EPG5: variants seen among roughly 807,000 people sequenced by gnomAD.
The protein encoded by EPG5 is ectopic P granules protein 5 homolog.
Under a neutral mutation model 302.7 loss-of-function variants are expected in EPG5, and 159 were observed. The observed-to-expected ratio is 0.53, with a 90% CI of 0.46 to 0.60. The LOEUF (loss-of-function observed/expected upper bound fraction) is 0.60. EPG5 is among the 20% of genes least tolerant of loss of function. The pLI is 0.00. For missense variants in EPG5, 2,896 were observed against 3,092.4 expected (o/e 0.94, Z 1.51); for synonymous variants, 1,158 against 1,136.8 (o/e 1.02, Z -0.37).
chr18:45,918,048 C>A (rs1426406580), intron 16 of EPG5, among the ~76,000 whole-genome samples: 1 of 152,138 alleles, frequency 6.6e-6, no homozygotes, highest in Admixed American at 6.6e-5. Context: ...AAGTATCATG[C>A]CCAAATTCAC....
intron 16 of EPG5, among the ~76,000 whole-genome samples, chr18:45,918,819 T>C (rs1390824279): frequency 2.6e-5 from 4 of 152,220 alleles, no homozygotes; most frequent in Non-Finnish European, 5.9e-5. Context: ...AAAAGTTATT[T>C]GTGGAGGCGA....
intron 39 of EPG5, among the ~76,000 whole-genome samples, chr18:45,865,202 C>T (rs1412097484): frequency 6.6e-6 from 1 of 152,174 alleles, no homozygotes; most frequent in African/African-American, 2.4e-5. Flanking sequence ...TCATCCAGCA[C>T]CCAGTTATCT....
intron 19 of EPG5, 151 bp from the exon 20 acceptor site, chr18:45,915,772 A>C (rs2050016885): frequency 1.4e-6 from 1 of 738,986 alleles, no homozygotes; most frequent in African/African-American, 1.8e-5. Context: ...CAATAGTCCA[A>C]GGCAGAGCAT....
the EPG5 span, among the ~76,000 whole-genome samples, chr18:45,815,569 G>T: frequency 6.6e-6 from 1 of 151,964 alleles, no homozygotes; most frequent in Non-Finnish European, 1.5e-5. Flanking sequence ...AAATACTTAC[G>T]AATCTACCTA....
rs945522588 is a variant in EPG5 at position 45,932,791 on chromosome 18, C to A, written c.2258-1961G>T. ...CCACTAACTCCTGTGTCAGGTGATACAGGCCCTAAGGGAGATAAAGATAAA... is the reference window on the plus strand; with the variant it reads ...CCACTAACTCCTGTGTCAGGTGATAAAGGCCCTAAGGGAGATAAAGATAAA... On this transcript the variant is annotated intron_variant, in intron 11 of 43. Coordinates refer to ENST00000282041, the MANE Select transcript of EPG5 (RefSeq NM_020964.3). Among the ~76,000 whole-genome samples the A allele has an allele frequency of 5.9e-5, 9 of 152,120 alleles. No individual in the cohort carries two copies. In the South Asian group the frequency reaches 8.3e-4, roughly 14 times the overall value.
chr18:45,881,411 C>T (rs2049095156), intron 31 of EPG5, among the ~76,000 whole-genome samples: 1 of 152,192 alleles, frequency 6.6e-6, no homozygotes, highest in African/African-American at 2.4e-5. Context: ...CTGTGGGAAA[C>T]AATTAAAGCT....
At position 45,858,779 on chromosome 18, in the gene EPG5, G is replaced by A. The variant is rs2048570351; in HGVS notation, c.7013C>T (p.Pro2338Leu). The A allele has an allele frequency of 6.2e-7, 1 of 1,611,334 alleles. No individual in the cohort carries two copies. The highest frequency in any genetic ancestry group is 1.3e-5 in the African/African-American group (1 of 74,978). Residue 2338 changes from proline (P) to leucine (L), a missense_variant, in exon 41 of 44, where the codon CCT becomes CTT. Around this residue, in one of 5 missense-constraint regions of EPG5, gnomAD observed 620 missense variants for 704.2 expected, o/e 0.88. Transcript: ENST00000282041. ...TCCCCATCCTGAATTCTGATTGAGA[G>A]GGCCTAAGAACATGAAGAAGAGACA... Reference protein sequence around the residue: ...ACITAYFKESPLNQNSGWGPI... With the variant: ...ACITAYFKESLLNQNSGWGPI...
chr18:45,877,261 A>G (rs999664756), intron 34 of EPG5, among the ~76,000 whole-genome samples: 6 of 151,792 alleles, frequency 4.0e-5, no homozygotes, highest in Non-Finnish European at 5.9e-5. Flanking sequence ...TAAAAATTAA[A>G]ATTGAAAAAT....
chr18:45,846,122 G>A (rs536013169), downstream of EPG5, among the ~76,000 whole-genome samples: 39 of 152,192 alleles, frequency 2.6e-4, no homozygotes, highest in South Asian at 2.3e-3. Flanking sequence ...AGAGTCAAGC[G>A]TCCGGGTTTT....
intron 14 of EPG5, among the ~76,000 whole-genome samples, chr18:45,924,281 A>G (rs2050220786): frequency 6.6e-6 from 1 of 152,224 alleles, no homozygotes; most frequent in Non-Finnish European, 1.5e-5. Flanking sequence ...CAGCTCTTCA[A>G]GAGGAGAGCC....
chr18:45,865,656 A>AT lies in EPG5; in HGVS notation c.6724dup (p.Met2242AsnfsTer3). 1 of 1,613,428 alleles carries AT rather than the reference A, an allele frequency of 6.2e-7. No homozygotes were observed. The highest frequency in any genetic ancestry group is 8.5e-7 in the Non-Finnish European group (1 of 1,179,932). On this transcript the variant is annotated frameshift_variant, in exon 39 of 44. Coordinates refer to ENST00000282041, the MANE Select transcript of EPG5 (RefSeq NM_020964.3). LOFTEE classifies it high-confidence loss of function. ...AATGATATCGTCTAAGAGCTTAGAC[A>AT]TTTCCTGTTCTAGGACTGCTAAGGT...
intron 24 of EPG5, chr18:45,907,292 A>AG (rs1444780839): frequency 1.3e-5 from 2 of 152,328 alleles, no homozygotes; most frequent in East Asian, 1.9e-4. Context: ...CTGCAGCCCT[A>AG]GAAAAAAAAG....
rs764033742 is a variant in EPG5, at chr18:45,939,791, T to C, written c.1944-36A>G. The C allele has an allele frequency of 3.2e-6, 5 of 1,580,752 alleles. No homozygotes were observed. The South Asian group carries it at 5.6e-5, about 18-fold the overall frequency. On this transcript the variant is annotated intron_variant, in intron 9 of 43. Coordinates refer to ENST00000282041, the MANE Select transcript of EPG5 (RefSeq NM_020964.3). ...GGAAAGATAATACAGTACTTTTCAT[T>C]AGCTCAATATCTGCACCTTTATATT...
chr18:45,810,359 T>C, the EPG5 span, among the ~76,000 whole-genome samples: 24 of 152,290 alleles, frequency 1.6e-4, no homozygotes, highest in African/African-American at 5.5e-4. Flanking sequence ...TCCTAAATCA[T>C]TCTATGAAGC....
intron 36 of EPG5, 71 bp from the exon 37 acceptor site, chr18:45,867,819 T>G: frequency 7.4e-7 from 1 of 1,344,270 alleles, no homozygotes; most frequent in East Asian, 2.4e-5. Context: ...GTATGTAAAT[T>G]GTTTCATAAT....
chr18:45,800,970 A>G, the EPG5 span, among the ~76,000 whole-genome samples: 10 of 152,250 alleles, frequency 6.6e-5, no homozygotes, highest in Admixed American at 5.2e-4. Flanking sequence ...ACTCCAAAGC[A>G]TCTTCCTCCT....
chr18:45,941,285 G>C (rs184089394), intron 9 of EPG5, among the ~76,000 whole-genome samples: 8 of 152,176 alleles, frequency 5.3e-5, no homozygotes, highest in Non-Finnish European at 1.2e-4. Flanking sequence ...AACTAACTAC[G>C]AGAAAGGCTG....
chr18:45,954,243 T>A (rs1227371211), intron 2 of EPG5, 151 bp downstream of exon 2: 1 of 714,894 alleles, frequency 1.4e-6, no homozygotes, highest in Admixed American at 3.1e-5. Flanking sequence ...TACACCTGGC[T>A]CCTGCAGGCA....
At chr18:45,891,216 C>T (rs1051505715) in intron 27 of EPG5, among the ~76,000 whole-genome samples, 24 of 152,042 alleles carry the variant, frequency 1.6e-4, no homozygotes, top group Middle Eastern at 3.2e-3. Context: ...TCCTGAAGGG[C>T]GGCCAGGCAT....
Sources: gnomAD v4.1 joint callset for allele counts (sites outside exome capture counted in the v4.1 genomes callset) on GRCh38, gnomAD v4.1.1 for gene constraint, gnomAD v4.1.1 regional missense constraint, MANE v1.5 for transcripts, NCBI Gene and HGNC (gene_info 2026-07-23, HGNC 2026-07-21) for gene names.